Variants in NPHP1 observed in about 807,000 individuals in gnomAD.
NPHP1 encodes the protein nephrocystin 1, also known as nephrocystin-1.
Under a neutral mutation model 90.4 loss-of-function variants are expected in NPHP1, and 70 were observed. The observed-to-expected ratio is 0.77, with a 90% confidence interval of 0.64 to 0.95. The LOEUF (loss-of-function observed/expected upper bound fraction) is 0.95. Among genes scored for constraint, NPHP1 ranks in the 40% least tolerant of loss-of-function variants. The pLI is 0.00. For synonymous variants in NPHP1, 256 were observed against 271.7 expected (o/e 0.94, Z 0.57); for missense variants, 764 against 795.9 (o/e 0.96, Z 0.48).
intron 8 of NPHP1, chr2:110,163,523 C>G (rs1682498550): frequency 4.2e-6 from 1 of 240,318 alleles, no homozygotes; most frequent in Non-Finnish European, 8.4e-6. Flanking sequence ...ACACACTACT[C>G]ATAGACACAC....
intron 4 of NPHP1, among the ~76,000 whole-genome samples, chr2:110,170,697 C>T (rs1486177929): frequency 6.6e-6 from 1 of 152,034 alleles, no homozygotes; most frequent in African/African-American, 2.4e-5. Context: ...GAGGTATACA[C>T]AGGATACTAA....
intron 11 of NPHP1, among the ~76,000 whole-genome samples, chr2:110,156,352 G>A (rs996645945): frequency 6.6e-6 from 1 of 152,138 alleles, no homozygotes; most frequent in Non-Finnish European, 1.5e-5. Context: ...GCCACCATGT[G>A]AGATGTGCCT....
chr2:110,172,583 C>A (rs1268433170), intron 4 of NPHP1, among the ~76,000 whole-genome samples: 7 of 152,006 alleles, frequency 4.6e-5, no homozygotes, highest in Admixed American at 4.6e-4. Context: ...GAGTTCAAGA[C>A]CAGCCTGAGC....
chr2:110,151,218 A>G (rs1441344753), intron 11 of NPHP1, among the ~76,000 whole-genome samples: 1 of 151,060 alleles, frequency 6.6e-6, no homozygotes, highest in East Asian at 2.0e-4. Flanking sequence ...TTTCACATGC[A>G]GTTCATTACT....
At position 110,163,136 on chromosome 2, in the gene NPHP1, C is replaced by T; in HGVS notation, c.940-1G>A. On this transcript the variant is annotated splice_acceptor_variant, in intron 8 of 19. Transcript: ENST00000316534. LOFTEE classifies it high-confidence loss of function. ...TTAACACATCAACAGTGTTTATCTG[C>T]TGAAGACAGTAACATCAAAATGGAT... The T allele has an allele frequency of 6.2e-7, 1 of 1,601,968 alleles. No individual in the cohort carries two copies. Among genetic ancestry groups the T allele is most frequent in the Non-Finnish European group, 8.6e-7 (1 of 1,168,896 alleles).
intron 14 of NPHP1, among the ~76,000 whole-genome samples, chr2:110,145,820 C>G (rs925712768): frequency 5.9e-5 from 9 of 152,086 alleles, no homozygotes; most frequent in Admixed American, 4.6e-4. Flanking sequence ...AAGACAAAAA[C>G]AAAAAAGCAA....
chr2:110,192,182 G>C (rs1684801859), intron 2 of NPHP1, among the ~76,000 whole-genome samples: 1 of 152,194 alleles, frequency 6.6e-6, no homozygotes, highest in Non-Finnish European at 1.5e-5. Flanking sequence ...GTTGAGAGAA[G>C]AAGGCTTCAG....
chr2:110,155,309 G>A (rs753098015), intron 11 of NPHP1, among the ~76,000 whole-genome samples: 8 of 152,166 alleles, frequency 5.3e-5, no homozygotes, highest in Admixed American at 1.3e-4. Context: ...CAGGGGCGGG[G>A]CTCTCATGGA....
chr2:110,155,639 G>T (rs1030213446), intron 11 of NPHP1, among the ~76,000 whole-genome samples: 1 of 152,150 alleles, frequency 6.6e-6, no homozygotes, highest in Admixed American at 6.5e-5. Context: ...TCATTTTGGA[G>T]CTTTAAAATT....
intron 11 of NPHP1, among the ~76,000 whole-genome samples, chr2:110,157,409 T>C (rs756397209): frequency 2.0e-5 from 3 of 152,078 alleles, no homozygotes; most frequent in Non-Finnish European, 4.4e-5. Context: ...ATTATGGAAG[T>C]GAGGGAGGAT....
intron 2 of NPHP1, chr2:110,184,582 T>G: frequency 8.0e-7 from 1 of 1,252,816 alleles, no homozygotes; most frequent in African/African-American, 1.4e-5. Context: ...GGCTTTGCCA[T>G]GCCCCACTCC....
intron 10 of NPHP1, among the ~76,000 whole-genome samples, 168 bp from the exon 11 acceptor site, chr2:110,160,423 C>A (rs1040421961): frequency 3.3e-5 from 5 of 151,686 alleles, no homozygotes; most frequent in Non-Finnish European, 5.9e-5. Flanking sequence ...TTAAATCAGT[C>A]ATTTTAGGTA....
chr2:110,179,493 A>C, intron 3 of NPHP1, 131 bp downstream of exon 3: 1 of 592,260 alleles, frequency 1.7e-6, no homozygotes, highest in Non-Finnish European at 3.1e-6. Flanking sequence ...TCGGCAAGCC[A>C]GCACTGGCTG....
At chr2:110,178,327 TTATATC>T in intron 4 of NPHP1, 90 bp downstream of exon 4, 1 of 1,195,530 alleles carries the variant, frequency 8.4e-7, no homozygotes, top group Non-Finnish European at 1.2e-6. Context: ...TGTCATTTGT[TTATATC>T]TATACTGCTA....
chr2:110,137,425 T>C (rs1680280359), intron 16 of NPHP1, among the ~76,000 whole-genome samples: 1 of 152,110 alleles, frequency 6.6e-6, no homozygotes. Context: ...AATCTACTCA[T>C]CTGACAAAGG....
intron 4 of NPHP1, among the ~76,000 whole-genome samples, chr2:110,173,335 T>C (rs1321430989): frequency 6.6e-6 from 1 of 152,210 alleles, no homozygotes; most frequent in Non-Finnish European, 1.5e-5. Flanking sequence ...TTTCAAACTC[T>C]TGAAATTTGG....
chr2:110,185,292 A>T (rs559995973), intron 2 of NPHP1: 1 of 411,676 alleles, frequency 2.4e-6, no homozygotes, highest in East Asian at 5.9e-5. Context: ...GCATGTGTGT[A>T]TACAAGTGTG....
At position 110,163,015 on chromosome 2, in the gene NPHP1, GAA is replaced by G. The variant is rs1234875674; in HGVS notation, c.859+31_859+32del. 8 of 1,465,272 alleles carry G rather than the reference GAA, an allele frequency of 5.5e-6. No individual in the cohort carries two copies. In the African/African-American group the frequency reaches 9.7e-5, roughly 18 times the overall value. The allele number at this position is 1,465,272 out of a possible 1,614,324, so 90.8% of individuals were successfully genotyped here. A position where few individuals can be genotyped will look rare whatever the true frequency, so the allele number is the denominator to read the frequency against. On this transcript the variant is annotated intron_variant, in intron 9 of 19. Transcript: ENST00000445609. ...AGACGTGGATCTTGACTGCTTTGCT[GAA>G]AGAGTGCAGTGGCTGATAGGCACGC...
At chr2:110,157,901 T>C (rs557586583) in intron 11 of NPHP1, among the ~76,000 whole-genome samples, 1 of 152,320 alleles carries the variant, frequency 6.6e-6, no homozygotes, top group Admixed American at 6.5e-5. Context: ...GCTTTGACTG[T>C]AGATTTGAGA....
Sources: allele counts gnomAD v4.1 joint callset (sites outside exome capture counted in the v4.1 genomes callset), GRCh38; gene constraint gnomAD v4.1.1; transcripts MANE v1.5; gene names NCBI Gene and HGNC (gene_info 2026-07-23, HGNC 2026-07-21).